ENDOD1: variants seen among roughly 807,000 people sequenced by gnomAD.
The protein encoded by ENDOD1 is endonuclease domain-containing 1 protein.
ENDOD1 carries 9 observed loss-of-function variants against 6.5 expected under a neutral mutation model. That is an observed-to-expected ratio of 1.39 (90% CI 0.84 to 2.43). ENDOD1 has a LOEUF of 2.43. Among genes scored for constraint, ENDOD1 ranks in the 30% most tolerant of loss-of-function variants. The probability of loss-of-function intolerance (pLI) is 0.00; values close to 1 mark genes in which losing one functional copy is unlikely to be tolerated. For missense variants in ENDOD1, 648 were observed against 635.5 expected, an observed-to-expected ratio of 1.02 and a Z score of -0.21; for synonymous variants, 255 against 255.2, an observed-to-expected ratio of 1.00 and a Z score of 0.01.
intron 1 of ENDOD1, among the ~76,000 whole-genome samples, chr11:95,091,067 G>A (rs1330468562): frequency 6.6e-6 from 1 of 152,136 alleles, no homozygotes; most frequent in Non-Finnish European, 1.5e-5. Context: ...TCTGGTAAAG[G>A]TGACCAAACA....
At chr11:95,123,835 A>T (rs1859286417) in intron 1 of ENDOD1, among the ~76,000 whole-genome samples, 1 of 152,138 alleles carries the variant, frequency 6.6e-6, no homozygotes, top group African/African-American at 2.4e-5. Context: ...TTCTTTCTCC[A>T]TGTGAAAACC....
intron 1 of ENDOD1, among the ~76,000 whole-genome samples, chr11:95,090,502 C>T (rs782614321): frequency 5.9e-5 from 9 of 152,222 alleles, no homozygotes; most frequent in Non-Finnish European, 1.2e-4. Flanking sequence ...GGAGGTTCTC[C>T]CTGCATTTCT....
intron 1 of ENDOD1, among the ~76,000 whole-genome samples, chr11:95,094,229 A>T (rs1338692300): frequency 6.6e-6 from 1 of 151,578 alleles, no homozygotes; most frequent in Admixed American, 6.6e-5. Flanking sequence ...TGTGAGGTAG[A>T]TATTATCTTC....
chr11:95,107,762 G>T (rs551359667), intron 1 of ENDOD1, among the ~76,000 whole-genome samples: 2 of 152,280 alleles, frequency 1.3e-5, no homozygotes, highest in South Asian at 4.1e-4. Context: ...CCGGGTTCAA[G>T]CGATTCTCCT....
At chr11:95,099,687 C>A (rs1565444006) in intron 1 of ENDOD1, among the ~76,000 whole-genome samples, 1 of 152,232 alleles carries the variant, frequency 6.6e-6, no homozygotes, top group Non-Finnish European at 1.5e-5. Context: ...GCCAAAATTC[C>A]TTTTTCCTTT....
intron 1 of ENDOD1, among the ~76,000 whole-genome samples, chr11:95,092,655 G>A (rs1555109984): frequency 6.6e-6 from 1 of 152,122 alleles, no homozygotes; most frequent in African/African-American, 2.4e-5. Context: ...ACATCCACCC[G>A]CTCGACCTCA....
intron 1 of ENDOD1, among the ~76,000 whole-genome samples, chr11:95,107,967 G>A (rs1555111592): frequency 1.3e-5 from 2 of 152,082 alleles, no homozygotes; most frequent in Admixed American, 1.3e-4. Context: ...GCGCCCGGCC[G>A]GAGTCCGCAC....
At chr11:95,108,073 C>T (rs1859108933) in intron 1 of ENDOD1, among the ~76,000 whole-genome samples, 1 of 152,206 alleles carries the variant, frequency 6.6e-6, no homozygotes, top group Non-Finnish European at 1.5e-5. Flanking sequence ...CCCCAGGCCA[C>T]CCATTGGCCT....
intron 1 of ENDOD1, 149 bp from the exon 2 acceptor site, chr11:95,128,228 C>T: frequency 1.2e-6 from 1 of 829,910 alleles, no homozygotes; most frequent in Middle Eastern, 3.7e-4. Context: ...AATGAAGTGT[C>T]CATGTGCCAG....
Position 95,129,097 on chromosome 11 carries a change from A to T in ENDOD1, c.1021A>T (p.Lys341Ter). ...GGGCTTCATTGCTACCCCATTCATC[A>T]AGCTTTTTCAATTAATTTATTACCT... ...LMGFIATPFI[K>*]LFQLIYYLVV... Residue 341 changes from lysine (K) to a stop codon, truncating the protein, a stop_gained, in exon 2 of 2, where the codon AAG becomes TAG. Transcript: ENST00000278505. LOFTEE classifies it low-confidence loss of function (END_TRUNC). 1 of 1,614,110 alleles carries T rather than the reference A, an allele frequency of 6.2e-7. No homozygotes were observed. The highest frequency in any genetic ancestry group is 8.5e-7 in the Non-Finnish European group (1 of 1,179,992).
intron 1 of ENDOD1, among the ~76,000 whole-genome samples, chr11:95,097,498 A>G (rs1555110441): frequency 6.6e-6 from 1 of 152,208 alleles, no homozygotes; most frequent in Non-Finnish European, 1.5e-5. Context: ...GAGACGGCAG[A>G]TCATTTAGAT....
intron 1 of ENDOD1, among the ~76,000 whole-genome samples, chr11:95,100,520 G>A (rs993582898): frequency 3.9e-5 from 6 of 152,052 alleles, no homozygotes; most frequent in African/African-American, 1.2e-4. Flanking sequence ...ACAGGGTCTT[G>A]CTCTATTGCC....
At chr11:95,122,342 C>T (rs1859269431) in intron 1 of ENDOD1, among the ~76,000 whole-genome samples, 1 of 152,054 alleles carries the variant, frequency 6.6e-6, no homozygotes, top group Non-Finnish European at 1.5e-5. Flanking sequence ...CATGCCTCAG[C>T]CTCCCAAGTA....
At chr11:95,128,267 T>G in intron 1 of ENDOD1, 110 bp from the exon 2 acceptor site, 2 of 1,297,560 alleles carry the variant, frequency 1.5e-6, no homozygotes, top group South Asian at 1.4e-5. Context: ...ACTCAAGCGT[T>G]TGAAGTAATA....
chr11:95,124,490 A>G (rs980092362), intron 1 of ENDOD1, among the ~76,000 whole-genome samples: 71 of 152,226 alleles, frequency 4.7e-4, no homozygotes, highest in African/African-American at 1.6e-3. Flanking sequence ...AGAATATAGT[A>G]AACATGGATA....
chr11:95,129,467 C>T lies in ENDOD1; in HGVS notation c.1391C>T (p.Ser464Leu). Residue 464 changes from serine to leucine, a missense_variant, in exon 2 of 2, where the codon TCA becomes TTA. Coordinates refer to ENST00000278505, the MANE Select transcript of ENDOD1 (RefSeq NM_015036.3). ...GCACTGGGCCTTGGTGGCACTGTCTCACTGCTCTTTGACACTGCTTTTGGT... is the reference window on the plus strand; with the variant it reads ...GCACTGGGCCTTGGTGGCACTGTCTTACTGCTCTTTGACACTGCTTTTGGT... Reference protein sequence around the residue: ...DIALGLGGTVSLLFDTAFGTL... With the variant: ...DIALGLGGTVLLLFDTAFGTL... The T allele has an allele frequency of 6.2e-7, 1 of 1,614,212 alleles. No individual in the cohort carries two copies. The highest frequency in any genetic ancestry group is 1.3e-5 in the African/African-American group (1 of 75,050).
intron 1 of ENDOD1, among the ~76,000 whole-genome samples, chr11:95,117,325 C>T (rs1401601536): frequency 6.6e-6 from 1 of 152,214 alleles, no homozygotes; most frequent in Non-Finnish European, 1.5e-5. Flanking sequence ...AGGAGAATTG[C>T]TTGAACCTGG....
At chr11:95,101,137 T>G (rs1859036528) in intron 1 of ENDOD1, among the ~76,000 whole-genome samples, 2 of 152,172 alleles carry the variant, frequency 1.3e-5, no homozygotes, top group Non-Finnish European at 2.9e-5. Context: ...ATTTCGGGCT[T>G]TGTGGGCCAT....
At chr11:95,128,311 A>T in intron 1 of ENDOD1, 66 bp from the exon 2 acceptor site, 1 of 1,547,434 alleles carries the variant, frequency 6.5e-7, no homozygotes, top group Non-Finnish European at 8.7e-7. Context: ...TCTGGGCAGG[A>T]TGATTCTAGT....
Sources: allele counts gnomAD v4.1 joint callset (sites outside exome capture counted in the v4.1 genomes callset), GRCh38; gene constraint gnomAD v4.1.1; transcripts MANE v1.5; gene names NCBI Gene and HGNC (gene_info 2026-07-23, HGNC 2026-07-21).